GNA14: variants seen among roughly 807,000 people sequenced by gnomAD.
GNA14 encodes the protein guanine nucleotide-binding protein subunit alpha-14.
A neutral mutation model predicts 42.0 loss-of-function variants in GNA14; 50 were observed. That is an observed-to-expected ratio of 1.19 (90% CI 0.95 to 1.51). The LOEUF is 1.51. Among genes scored for constraint, GNA14 ranks in the 40% most tolerant of loss-of-function variants. GNA14 has a pLI of 0.00. For missense variants in GNA14, 473 were observed against 446.2 expected (o/e 1.06, Z -0.54); for synonymous variants, 173 against 163.1 (o/e 1.06, Z -0.46).
chr9:77,569,534 C>T (rs181425012), intron 1 of GNA14, among the ~76,000 whole-genome samples: 3 of 152,252 alleles, frequency 2.0e-5, no homozygotes, highest in Admixed American at 6.5e-5. Flanking sequence ...GCTTACAAAA[C>T]GGTCAGAGGG....
At chr9:77,433,440 G>A (rs867513103) in intron 3 of GNA14, among the ~76,000 whole-genome samples, 1 of 151,732 alleles carries the variant, frequency 6.6e-6, no homozygotes, top group Non-Finnish European at 1.5e-5. Context: ...AGGCTGTACT[G>A]CAGGAGTGTA....
rs79566927 is a variant in GNA14 at position 77,548,442 on chromosome 9, C to T, written c.125-19189G>A. Among the ~76,000 whole-genome samples the T allele has an allele frequency of 1.5e-3, 233 of 152,252 alleles. 1 individual carries two copies. Among genetic ancestry groups the T allele is most frequent in the African/African-American group, 5.4e-3 (223 of 41,540 alleles). On this transcript the variant is annotated intron_variant, in intron 1 of 6. Coordinates refer to ENST00000341700, the MANE Select transcript of GNA14 (RefSeq NM_004297.4). ...ACATTCACAGGTTCCAAATTCATCA[C>T]GAATTGGAGTGGGGGCGCACGATTC...
chr9:77,612,062 G>A (rs1315020773), intron 1 of GNA14, among the ~76,000 whole-genome samples: 1 of 152,042 alleles, frequency 6.6e-6, no homozygotes, highest in Non-Finnish European at 1.5e-5. Context: ...AGTTATTATT[G>A]AGTGGTTATA....
chr9:77,473,774 G>T (rs982566812), intron 2 of GNA14, among the ~76,000 whole-genome samples: 1 of 152,088 alleles, frequency 6.6e-6, no homozygotes, highest in Non-Finnish European at 1.5e-5. Flanking sequence ...TTACTACAAA[G>T]CTATTGTAAT....
At chr9:77,513,901 T>G (rs1021723739) in intron 2 of GNA14, among the ~76,000 whole-genome samples, 11 of 152,350 alleles carry the variant, frequency 7.2e-5, no homozygotes, top group African/African-American at 2.6e-4. Context: ...GAAAAGGGTA[T>G]TATCTATTGA....
chr9:77,430,748 A>G (rs559401191), intron 4 of GNA14, among the ~76,000 whole-genome samples: 1 of 152,304 alleles, frequency 6.6e-6, no homozygotes, highest in African/African-American at 2.4e-5. Context: ...GCCCTATATT[A>G]TTATTCATTT....
intron 1 of GNA14, among the ~76,000 whole-genome samples, chr9:77,569,770 CTTT>C (rs3052392): frequency 4.2e-5 from 6 of 142,942 alleles, no homozygotes; most frequent in Admixed American, 7.0e-5. Context: ...TCCTTTCTTT[CTTT>C]TTTTTTTTTT....
rs762651584 is a variant in GNA14, at chr9:77,445,552, G to GAA, written c.310-11032_310-11031dup. On this transcript the variant is annotated intron_variant, in intron 2 of 6. Transcript: ENST00000341700. ...GCAAAGTGAGACCTGTCTCTAAGAA[G>GAA]AAAAAAAAAAAAAAAAAAAAAGAAA... Among the ~76,000 whole-genome samples, 206 of 55,952 alleles carry GAA rather than the reference G, an allele frequency of 3.7e-3. 2 individuals are homozygous for GAA. The highest frequency in any genetic ancestry group is 9.8e-3 in the African/African-American group (177 of 18,136). 36.7% of individuals were successfully genotyped at this position (55,952 alleles called of 152,430 possible).
chr9:77,576,861 G>A (rs978093610), intron 1 of GNA14, among the ~76,000 whole-genome samples: 1 of 151,804 alleles, frequency 6.6e-6, no homozygotes. Context: ...TATTTTCCAG[G>A]GTAAATGACA....
intron 2 of GNA14, among the ~76,000 whole-genome samples, chr9:77,469,921 C>T (rs1365775588): frequency 2.6e-5 from 4 of 152,114 alleles, no homozygotes; most frequent in Non-Finnish European, 5.9e-5. Context: ...ATGATGGACA[C>T]GTGCATACAT....
intron 1 of GNA14, among the ~76,000 whole-genome samples, chr9:77,602,990 TTCCTTGCTGCCAACTCTTTTTTG>T (rs1823592243): frequency 6.6e-6 from 1 of 152,180 alleles, no homozygotes; most frequent in African/African-American, 2.4e-5. Context: ...TAGATTACAT[TTCCTTGCTGCCAACTCTTTTTTG>T]TCTTCATTAA....
At chr9:77,541,070 T>C (rs1395226586) in intron 1 of GNA14, among the ~76,000 whole-genome samples, 1 of 152,122 alleles carries the variant, frequency 6.6e-6, no homozygotes, top group Non-Finnish European at 1.5e-5. Context: ...TTTTATGTAG[T>C]AGTATCACTT....
intron 2 of GNA14, among the ~76,000 whole-genome samples, chr9:77,487,651 T>C (rs908856339): frequency 6.6e-6 from 1 of 152,150 alleles, no homozygotes; most frequent in African/African-American, 2.4e-5. Flanking sequence ...CCAACACAAG[T>C]CATATGTAAC....
chr9:77,524,606 T>C (rs144907978), intron 2 of GNA14, among the ~76,000 whole-genome samples: 53 of 152,350 alleles, frequency 3.5e-4, no homozygotes, highest in Non-Finnish European at 1.0e-4. Context: ...AGATAACATA[T>C]AGCATGCCTC....
chr9:77,543,315 G>A (rs1004941488), intron 1 of GNA14, among the ~76,000 whole-genome samples: 2 of 152,188 alleles, frequency 1.3e-5, no homozygotes, highest in African/African-American at 2.4e-5. Context: ...GGTTTCTCAC[G>A]TCTTAGTCCC....
intron 1 of GNA14, among the ~76,000 whole-genome samples, chr9:77,644,437 C>CAAAAAAAAAAAAAAAAAAAAAAA (rs764737417): frequency 5.3e-4 from 18 of 34,022 alleles, no homozygotes; most frequent in South Asian, 1.7e-3. Context: ...TAAAGAGTGT[C>CAAAAAAAAAAAAAAAAAAAAAAA]AAAAAAAAAA....
chr9:77,465,747 G>A (rs965895854), intron 2 of GNA14, among the ~76,000 whole-genome samples: 6 of 151,880 alleles, frequency 4.0e-5, no homozygotes, highest in African/African-American at 9.7e-5. Flanking sequence ...GTGGGAACAC[G>A]GGTGCATGCC....
At chr9:77,575,690 T>C (rs1473204257) in intron 1 of GNA14, among the ~76,000 whole-genome samples, 1 of 152,236 alleles carries the variant, frequency 6.6e-6, no homozygotes, top group Non-Finnish European at 1.5e-5. Context: ...AGTTCTATTT[T>C]AGACGTAAAT....
intron 1 of GNA14, among the ~76,000 whole-genome samples, chr9:77,603,943 CAAAAAAAAAAAACAAA>C (rs1823608672): frequency 2.5e-5 from 1 of 40,166 alleles, no homozygotes; most frequent in African/African-American, 8.1e-5. Context: ...GACTCCATCT[CAAAAAAAAAAAACAAA>C]AAAAAAAAAA....
Sources: gnomAD v4.1 joint callset for allele counts (sites outside exome capture counted in the v4.1 genomes callset) on GRCh38, gnomAD v4.1.1 for gene constraint, MANE v1.5 for transcripts, NCBI Gene and HGNC (gene_info 2026-07-23, HGNC 2026-07-21) for gene names.